The following MAP4K3 variants were observed in gnomAD, a reference collection of about 807,000 sequenced individuals.
The protein encoded by MAP4K3 is mitogen-activated protein kinase kinase kinase kinase 3.
MAP4K3 carries 94 observed loss-of-function variants against 143.5 expected under a neutral mutation model. The ratio of observed to expected loss-of-function variants is 0.65; its 90% CI spans 0.55 to 0.78. MAP4K3 has a LOEUF of 0.78. Among genes scored for constraint, MAP4K3 ranks in the 30% least tolerant of loss-of-function variants. The pLI, the probability that MAP4K3 is intolerant of heterozygous loss-of-function variation, is 0.00. For synonymous variants in MAP4K3, 416 were observed against 347.2 expected (o/e 1.20, Z -2.20); for missense variants, 1,077 against 1,068.1 (o/e 1.01, Z -0.12).
intron 26 of MAP4K3, among the ~76,000 whole-genome samples, chr2:39,270,208 T>A (rs10490306): frequency 6.6e-6 from 1 of 152,274 alleles, no homozygotes; most frequent in Non-Finnish European, 1.5e-5. Flanking sequence ...CTATTAAGTA[T>A]GGCTGTGAAT....
chr2:39,325,729 C>T lies in MAP4K3; in HGVS notation c.807+1G>A, dbSNP rs1436166437. 1.3e-6 allele frequency: 2 copies of T among 1,599,574 alleles called. No individual in the cohort carries two copies. The highest frequency in any genetic ancestry group is 8.5e-7 in the Non-Finnish European group (1 of 1,171,054). ...TATATATTTCAGGGCAAAAATAATA[C>T]CTGTAATAATTTTTCAGCAGTAGGT... On this transcript the variant is annotated splice_donor_variant, in intron 11 of 33. Transcript: ENST00000263881. LOFTEE classifies it high-confidence loss of function.
chr2:39,326,117 G>C, intron 9 of MAP4K3, 29 bp downstream of exon 9: 1 of 1,601,496 alleles, frequency 6.2e-7, no homozygotes, highest in Non-Finnish European at 8.5e-7. Context: ...AACCTTAAGC[G>C]TAAGATTCTT....
At chr2:39,343,499 G>T in intron 3 of MAP4K3, 47 bp from the exon 4 acceptor site, 1 of 1,468,906 alleles carries the variant, frequency 6.8e-7, no homozygotes, top group Non-Finnish European at 9.5e-7. Flanking sequence ...GATTAAAACT[G>T]TCTGTGTGAG....
At chr2:39,405,143 C>T (rs1482720918) in intron 1 of MAP4K3, among the ~76,000 whole-genome samples, 1 of 152,228 alleles carries the variant, frequency 6.6e-6, no homozygotes, top group African/African-American at 2.4e-5. Context: ...GGCTTCTGGT[C>T]TGACCCAGCA....
chr2:39,295,650 G>A (rs1682243431), intron 16 of MAP4K3, among the ~76,000 whole-genome samples: 1 of 150,044 alleles, frequency 6.7e-6, no homozygotes. Flanking sequence ...ATTAGGATTT[G>A]AATACAGGAA....
chr2:39,315,223 A>G, intron 13 of MAP4K3, 87 bp downstream of exon 13: 2 of 861,370 alleles, frequency 2.3e-6, no homozygotes, highest in East Asian at 5.9e-5. Context: ...AAAACTATTC[A>G]GAAGGAAATA....
intron 21 of MAP4K3, 73 bp from the exon 22 acceptor site, chr2:39,282,627 C>T (rs1256253237): frequency 6.1e-6 from 6 of 979,116 alleles, no homozygotes; most frequent in South Asian, 5.6e-5. Context: ...ATTTCAAACA[C>T]ATTTATTCAA....
At position 39,288,250 on chromosome 2, in the gene MAP4K3, G is replaced by C. The variant is rs1246565574; in HGVS notation, c.1345C>G (p.His449Asp). 3 of 1,613,964 alleles carry C rather than the reference G, an allele frequency of 1.9e-6. No individual in the cohort carries two copies. Among genetic ancestry groups the C allele is most frequent in the Non-Finnish European group, 2.5e-6 (3 of 1,179,904 alleles). The change falls in exon 20 of 34, where the codon CAT becomes GAT. Residue 449 changes from histidine (H) to aspartate (D), a missense_variant. Coordinates refer to ENST00000263881, the MANE Select transcript of MAP4K3 (RefSeq NM_003618.4). Reference protein sequence around the residue: ...PKSIFIPQEMHSTEDENQGTI... With the variant: ...PKSIFIPQEMDSTEDENQGTI... ...CCTTGATTTTCATCCTCAGTAGAAT[G>C]CATTTCCTGTGGTATGAAGATAGAC...
At chr2:39,384,864 A>T (rs1466685342) in intron 1 of MAP4K3, among the ~76,000 whole-genome samples, 1 of 152,236 alleles carries the variant, frequency 6.6e-6, no homozygotes, top group Non-Finnish European at 1.5e-5. Flanking sequence ...CACCACCATC[A>T]GGAAATAAGA....
At chr2:39,401,494 T>A (rs1666952866) in intron 1 of MAP4K3, among the ~76,000 whole-genome samples, 1 of 152,152 alleles carries the variant, frequency 6.6e-6, no homozygotes. Flanking sequence ...CCCACCTAAC[T>A]GAGCTTCGAA....
chr2:39,398,138 G>A (rs1315185572), intron 1 of MAP4K3, among the ~76,000 whole-genome samples: 2 of 152,064 alleles, frequency 1.3e-5, no homozygotes, highest in Admixed American at 6.5e-5. Context: ...TCTAGGAAAC[G>A]AAACCATCAC....
At chr2:39,337,102 T>C (rs1182160079) in intron 5 of MAP4K3, 135 bp from the exon 6 acceptor site, 6 of 466,194 alleles carry the variant, frequency 1.3e-5, no homozygotes, top group African/African-American at 4.1e-5. Flanking sequence ...ATCATTAACA[T>C]ATTTTAATGA....
chr2:39,328,019 AT>A (rs1339849283), intron 8 of MAP4K3, among the ~76,000 whole-genome samples: 1 of 152,236 alleles, frequency 6.6e-6, no homozygotes, highest in Non-Finnish European at 1.5e-5. Context: ...ACACATAGTT[AT>A]AATGAAGGTT....
chr2:39,291,394 A>C (rs1300535179), intron 18 of MAP4K3, among the ~76,000 whole-genome samples: 1 of 152,240 alleles, frequency 6.6e-6, no homozygotes, highest in African/African-American at 2.4e-5. Context: ...AAGGTAAATA[A>C]TTAAGAACAT....
intron 28 of MAP4K3, among the ~76,000 whole-genome samples, chr2:39,262,011 AT>A (rs1680588288): frequency 6.6e-6 from 1 of 152,180 alleles, no homozygotes; most frequent in Non-Finnish European, 1.5e-5. Flanking sequence ...ATTAAAAAAA[AT>A]ACCACTCTCA....
intron 3 of MAP4K3, among the ~76,000 whole-genome samples, chr2:39,344,492 G>C (rs1665229681): frequency 2.6e-5 from 4 of 152,224 alleles, no homozygotes; most frequent in Admixed American, 2.6e-4. Flanking sequence ...TTGGAACACA[G>C]TCATACTCAT....
At chr2:39,323,354 C>T (rs1683380734) in intron 12 of MAP4K3, 2 of 152,126 alleles carry the variant, frequency 1.3e-5, no homozygotes, top group African/African-American at 4.8e-5. Context: ...TTTATTATTT[C>T]TGTTCTTTGA....
intron 4 of MAP4K3, among the ~76,000 whole-genome samples, chr2:39,342,726 G>GA (rs1665178724): frequency 6.6e-6 from 1 of 151,976 alleles, no homozygotes; most frequent in South Asian, 2.1e-4. Context: ...CCCCACACTA[G>GA]AAAATAGGAG....
chr2:39,389,456 G>A (rs1156777218), intron 1 of MAP4K3, among the ~76,000 whole-genome samples: 1 of 152,034 alleles, frequency 6.6e-6, no homozygotes, highest in Non-Finnish European at 1.5e-5. Context: ...GTCTCAAGGA[G>A]AGCAAATAAA....
Sources: gnomAD v4.1 joint callset for allele counts (sites outside exome capture counted in the v4.1 genomes callset) on GRCh38, gnomAD v4.1.1 for gene constraint, MANE v1.5 for transcripts, NCBI Gene and HGNC (gene_info 2026-07-23, HGNC 2026-07-21) for gene names.